Variants in SASH1 observed in about 807,000 individuals in gnomAD.
SASH1 encodes the protein SAM and SH3 domain-containing protein 1.
A neutral mutation model predicts 125.2 loss-of-function variants in SASH1; 44 were observed. That is an observed-to-expected ratio of 0.35 (90% confidence interval 0.28 to 0.45). The LOEUF (loss-of-function observed/expected upper bound fraction) is 0.45, where lower values mean the gene tolerates loss of function less well. Ranked by LOEUF, SASH1 falls within the 20% of genes least tolerant of loss-of-function variation. The pLI, the probability that SASH1 is intolerant of heterozygous loss-of-function variation, is 1.00. For synonymous variants in SASH1, 639 were observed against 649.1 expected, an observed-to-expected ratio of 0.98 and a Z score of 0.24; for missense variants, 1,426 against 1,614.5, an observed-to-expected ratio of 0.88 and a Z score of 2.00.
At chr6:148,506,480 ATAATAT>A (rs1272991807) in intron 8 of SASH1, among the ~76,000 whole-genome samples, 4 of 152,226 alleles carry the variant, frequency 2.6e-5, no homozygotes, top group South Asian at 2.1e-4. Flanking sequence ...ATCTCAAATA[ATAATAT>A]TAATAGTAAT....
At chr6:148,260,128 C>T in the SASH1 span, among the ~76,000 whole-genome samples, 1 of 152,070 alleles carries the variant, frequency 6.6e-6, no homozygotes, top group Non-Finnish European at 1.5e-5. Flanking sequence ...CAACATTTTT[C>T]TTTCATGCAA....
At chr6:148,287,677 C>T (rs1779516514) in intron 1 of SASH1, among the ~76,000 whole-genome samples, 1 of 101,694 alleles carries the variant, frequency 9.8e-6, no homozygotes, top group Non-Finnish European at 2.0e-5. Flanking sequence ...TGCCTGTAAT[C>T]AGTGCGTGCG....
At chr6:148,528,684 T>C (rs1472067328) in intron 12 of SASH1, among the ~76,000 whole-genome samples, 3 of 152,024 alleles carry the variant, frequency 2.0e-5, no homozygotes, top group African/African-American at 7.3e-5. Flanking sequence ...GTGGAGTGGA[T>C]ATTGCTGGCA....
At chr6:148,196,508 A>T in the SASH1 span, among the ~76,000 whole-genome samples, 1 of 152,194 alleles carries the variant, frequency 6.6e-6, no homozygotes, top group Non-Finnish European at 1.5e-5. Context: ...CTGTCTGATC[A>T]TCTCCTCCCA....
intron 5 of SASH1, among the ~76,000 whole-genome samples, 176 bp from the exon 6 acceptor site, chr6:148,471,240 CA>C (rs754558690): frequency 2.0e-5 from 3 of 152,068 alleles, no homozygotes; most frequent in Non-Finnish European, 2.9e-5. Flanking sequence ...TTCTTTTAAA[CA>C]ACTTTATAGG....
At chr6:148,404,929 G>T (rs1266901185) in intron 2 of SASH1, among the ~76,000 whole-genome samples, 2 of 151,090 alleles carry the variant, frequency 1.3e-5, no homozygotes, top group African/African-American at 2.4e-5. Flanking sequence ...TTGTGTAGTC[G>T]CAAGGAGCTG....
At chr6:148,506,399 C>T (rs1415428587) in intron 8 of SASH1, among the ~76,000 whole-genome samples, 1 of 151,946 alleles carries the variant, frequency 6.6e-6, no homozygotes, top group Non-Finnish European at 1.5e-5. Context: ...TGCTTGAACC[C>T]GGGAGGTGGA....
At chr6:148,538,934 T>C (rs1028239321) in intron 16 of SASH1, among the ~76,000 whole-genome samples, 3 of 152,266 alleles carry the variant, frequency 2.0e-5, no homozygotes, top group Admixed American at 6.5e-5. Flanking sequence ...TGCATAATAA[T>C]GCAAAGATGT....
intron 1 of SASH1, among the ~76,000 whole-genome samples, chr6:148,312,807 G>A (rs972866800): frequency 2.6e-5 from 4 of 152,110 alleles, no homozygotes; most frequent in Admixed American, 2.0e-4. Context: ...TAGGAGATAG[G>A]TTCTATTGTC....
chr6:148,292,250 A>G (rs779019498), intron 1 of SASH1, among the ~76,000 whole-genome samples: 1 of 152,018 alleles, frequency 6.6e-6, no homozygotes, highest in Non-Finnish European at 1.5e-5. Context: ...TCCCATTTGG[A>G]TGGTTATCCA....
upstream of SASH1, among the ~76,000 whole-genome samples, chr6:148,270,544 T>C (rs1779038658): frequency 6.6e-6 from 1 of 152,176 alleles, no homozygotes; most frequent in Non-Finnish European, 1.5e-5. Flanking sequence ...CATAAGGTAG[T>C]GGGTTTCTTG....
chr6:148,528,458 C>T (rs567581722), intron 12 of SASH1, among the ~76,000 whole-genome samples: 2 of 152,360 alleles, frequency 1.3e-5, no homozygotes, highest in South Asian at 4.1e-4. Context: ...CTGCTGCTCT[C>T]TGGTGGGCAC....
intron 1 of SASH1, among the ~76,000 whole-genome samples, chr6:148,318,782 A>C (rs1780551904): frequency 6.6e-6 from 1 of 151,718 alleles, no homozygotes; most frequent in East Asian, 1.9e-4. Flanking sequence ...CGATCTCTTG[A>C]CCTTGTGATC....
chr6:148,206,937 G>A, the SASH1 span, among the ~76,000 whole-genome samples: 1 of 152,108 alleles, frequency 6.6e-6, no homozygotes, highest in Non-Finnish European at 1.5e-5. Context: ...TGTTCCCTGT[G>A]GAGTTAATAA....
At chr6:148,421,674 T>C (rs34520740) in intron 2 of SASH1, among the ~76,000 whole-genome samples, 7,673 of 152,342 alleles carry the variant, frequency 0.05, 247 homozygotes, top group East Asian at 0.079. Flanking sequence ...TGAAACACTG[T>C]TGACCACCTG....
At chr6:148,540,356 A>G in intron 16 of SASH1, 87 bp from the exon 17 acceptor site, 1 of 959,576 alleles carries the variant, frequency 1.0e-6, no homozygotes, top group Non-Finnish European at 1.6e-6. Context: ...TCAGGGCAGT[A>G]ACTGAGGATA....
At chr6:148,329,130 C>T (rs905110295) in intron 1 of SASH1, among the ~76,000 whole-genome samples, 11 of 152,138 alleles carry the variant, frequency 7.2e-5, no homozygotes, top group African/African-American at 2.7e-4. Context: ...TAGAACAAGG[C>T]TTCTTTGTTA....
Position 148,514,435 on chromosome 6 carries a change from A to T in SASH1, c.841A>T (p.Met281Leu), listed in dbSNP as rs1288201134. ...AAAGAAACTAATTAGGGTGGAAGAA[A>T]TGAAAAAACCCAGCACTGAAGGTAA... ...VRKKLIRVEE[M>L]KKPSTEGGEE... Residue 281 changes from methionine to leucine, a missense_variant, in exon 9 of 20, where the codon ATG becomes TTG. By Grantham distance (15) the Met-to-Leu change is conservative. Around this residue, in one of 3 missense-constraint regions of SASH1, gnomAD observed 567 missense variants for 575.6 expected, o/e 0.99. Coordinates refer to ENST00000367467, the MANE Select transcript of SASH1 (RefSeq NM_015278.5). The T allele has an allele frequency of 6.4e-7, 1 of 1,561,124 alleles. No individual in the cohort carries two copies. The highest frequency in any genetic ancestry group is 8.7e-7 in the Non-Finnish European group (1 of 1,148,280).
intron 1 of SASH1, among the ~76,000 whole-genome samples, chr6:148,374,978 C>T (rs1270717554): frequency 1.3e-5 from 2 of 150,400 alleles, no homozygotes; most frequent in African/African-American, 4.9e-5. Flanking sequence ...ATTACAGGTG[C>T]AAGCCACCAC....
Sources: gnomAD v4.1 joint callset for allele counts (sites outside exome capture counted in the v4.1 genomes callset) on GRCh38, gnomAD v4.1.1 for gene constraint, gnomAD v4.1.1 regional missense constraint, MANE v1.5 for transcripts, NCBI Gene and HGNC (gene_info 2026-07-23, HGNC 2026-07-21) for gene names.